Variants in LTBP4 observed in about 807,000 individuals in gnomAD.
LTBP4 encodes the protein latent-transforming growth factor beta-binding protein 4.
LTBP4 carries 93 observed loss-of-function variants against 180.2 expected under a neutral mutation model. The ratio of observed to expected loss-of-function variants is 0.52; its 90% CI spans 0.44 to 0.61. The LOEUF (loss-of-function observed/expected upper bound fraction) is 0.61. Ranked by LOEUF, LTBP4 falls within the 20% of genes least tolerant of loss-of-function variation. The pLI is 0.00. For missense variants in LTBP4, 2,116 were observed against 2,256.5 expected (o/e 0.94, Z 1.26); for synonymous variants, 947 against 934.5 (o/e 1.01, Z -0.24).
At chr19:40,610,373 C>T in intron 11 of LTBP4, 159 bp from the exon 12 acceptor site, 2 of 795,390 alleles carry the variant, frequency 2.5e-6, no homozygotes, top group Non-Finnish European at 3.9e-6. Flanking sequence ...CCACAATTGC[C>T]TCTCTCACTG....
At chr19:40,621,452 T>G (rs1260083598) in intron 22 of LTBP4, among the ~76,000 whole-genome samples, 1 of 152,248 alleles carries the variant, frequency 6.6e-6, no homozygotes, top group Non-Finnish European at 1.5e-5. Context: ...AAGGACATGA[T>G]TTCATTCTTT....
chr19:40,619,435 C>T lies in LTBP4; in HGVS notation c.3159C>T (p.Asn1053=), dbSNP rs1178895144. The T allele has an allele frequency of 2.5e-6, 4 of 1,613,808 alleles. No homozygotes were observed. The highest frequency in any genetic ancestry group is 1.3e-5 in the African/African-American group (1 of 74,910). ...VEGSFLCVCP[N]SPEEFDPMTG... ...GCTCCTTCCTCTGTGTCTGCCCCAA[C>T]AGCCCGGAAGAGTTTGACCCCATGA... The change falls in exon 22 of 30, where the codon AAC becomes AAT. Residue 1053 remains asparagine (N), a synonymous_variant. Transcript: ENST00000396819.
Position 40,625,307 on chromosome 19 carries a change from TATATATATA to T in LTBP4, c.3833-549_3833-541del, listed in dbSNP as rs1568414617. Among the ~76,000 whole-genome samples the T allele has an allele frequency of 6.4e-3, 152 of 23,766 alleles. 31 individuals carry two copies. Among genetic ancestry groups the T allele is most frequent in the Non-Finnish European group, 7.8e-3 (117 of 14,940 alleles). The allele number at this position is 23,766 out of a possible 152,430, so 15.6% of individuals were successfully genotyped here. A position where few individuals can be genotyped will look rare whatever the true frequency, so the allele number is the denominator to read the frequency against. ...ATATATATATATATATATATATATA[TATATATATA>T]TTTTTTTTTTTAAAGATGGGTTTTT... On this transcript the variant is annotated intron_variant, in intron 26 of 29. Coordinates refer to ENST00000396819, the MANE Select transcript of LTBP4 (RefSeq NM_001042545.2).
intron 22 of LTBP4, among the ~76,000 whole-genome samples, chr19:40,620,456 TA>T (rs1368913453): frequency 9.1e-6 from 1 of 110,204 alleles, no homozygotes; most frequent in South Asian, 3.2e-4. Flanking sequence ...CAGGCTGCAG[TA>T]TTTTTTTTTT....
Position 40,613,653 on chromosome 19 carries a change from G to C in LTBP4, c.2557+124G>C. On this transcript the variant is annotated intron_variant, in intron 17 of 29. Transcript: ENST00000396819. This position sits in a 1 kb window ranked among gnomAD's most constrained non-coding sequence, Gnocchi z 5.0. ...AGCCGGGGTATTCCAGCAGGATCAG[G>C]GGGCAGCTGGTGGGAGTCTCGAGGC... 2 of 1,476,080 alleles carry C rather than the reference G, an allele frequency of 1.4e-6. No individual in the cohort carries two copies. Among genetic ancestry groups the C allele is most frequent in the Non-Finnish European group, 9.1e-7 (1 of 1,093,582 alleles). 91.4% of individuals were successfully genotyped at this position (1,476,080 alleles called of 1,614,324 possible).
At chr19:40,596,015 G>A (rs2081388303) in intron 1 of LTBP4, among the ~76,000 whole-genome samples, 2 of 146,042 alleles carry the variant, frequency 1.4e-5, no homozygotes, top group Admixed American at 1.4e-4. Context: ...CCACCTCCTG[G>A]GTTCAAACGA....
chr19:40,601,277 G>C (rs1413516584), upstream of LTBP4: 14 of 853,506 alleles, frequency 1.6e-5, no homozygotes, highest in African/African-American at 1.8e-5. Context: ...GGTGAGGAGG[G>C]GGGGCCTGAG....
In LTBP4 at chr19:40,605,421, G is replaced by A. The variant is rs763679707; in HGVS notation, c.459G>A (p.Val153=). 1 of 1,612,930 alleles carries A rather than the reference G, an allele frequency of 6.2e-7. No homozygotes were observed. Among genetic ancestry groups the A allele is most frequent in the Non-Finnish European group, 8.5e-7 (1 of 1,179,870 alleles). ...CTCCCCTAGGCGTGGCATCTATGGT[G>A]AGCGTCCACGTGGAGCACCCGCAGG... ...RDDEHGVASM[V]SVHVEHPQEA... Residue 153 remains valine (V), a synonymous_variant, in exon 3 of 30, where the codon GTG becomes GTA. Coordinates refer to ENST00000396819, the MANE Select transcript of LTBP4 (RefSeq NM_001042545.2). The surrounding 1 kb of genome is among the most constrained non-coding windows in gnomAD (Gnocchi z 5.5).
At chr19:40,599,824 T>C (rs545852385), upstream of LTBP4, 23 of 568,282 alleles carry the variant, frequency 4.0e-5, 1 homozygote, top group Admixed American at 7.2e-4. Context: ...TGTGTCTCAC[T>C]GCCTGCCTCT....
rs1239013930 is a variant in LTBP4, at chr19:40,601,533, C to A, written c.146C>A (p.Pro49Gln). 8 of 1,492,586 alleles carry A rather than the reference C, an allele frequency of 5.4e-6. No homozygotes were observed. The Admixed American group carries it at 1.5e-4, about 29-fold the overall frequency. 92.5% of individuals were successfully genotyped at this position (1,492,586 alleles called of 1,614,324 possible). A position where few individuals can be genotyped will look rare whatever the true frequency, so the allele number is the denominator to read the frequency against. Residue 49 changes from proline (P) to glutamine (Q), a missense_variant, in exon 1 of 30, where the codon CCG becomes CAG. This residue lies in a region of LTBP4 where 469 missense variants were observed against 532.5 expected (regional missense o/e 0.88). Coordinates refer to ENST00000396819, the MANE Select transcript of LTBP4 (RefSeq NM_001042545.2). ...TGCGGCCTGCGCTGCGTCCATGGGCCGACCGGCTCCCGCTGTACCCCGACC... is the reference window on the plus strand; with the variant it reads ...TGCGGCCTGCGCTGCGTCCATGGGCAGACCGGCTCCCGCTGTACCCCGACC... ...VVCGLRCVHG[P>Q]TGSRCTPTCA...
chr19:40,627,840 C>A lies in LTBP4; in HGVS notation c.4502C>A (p.Thr1501Asn), dbSNP rs1395694283. 2 of 1,568,192 alleles carry A rather than the reference C, an allele frequency of 1.3e-6. No homozygotes were observed. Among genetic ancestry groups the A allele is most frequent in the Non-Finnish European group, 1.7e-6 (2 of 1,163,262 alleles). The change falls in exon 29 of 30, where the codon ACC (threonine) becomes AAC (asparagine). Residue 1501 changes from threonine to asparagine, a missense_variant. Coordinates refer to ENST00000396819, the MANE Select transcript of LTBP4 (RefSeq NM_001042545.2). The stretch of plus-strand genomic sequence containing the variant: ...TTCGACGGCTACCGCCTGGACATGA[C>A]CCGCATGGCCTGCGTTGGTGAGGGC... ...RCFDGYRLDM[T>N]RMACVDINEC...
Position 40,629,789 on chromosome 19 carries a change from A to G in LTBP4, c.*239A>G. 2.9e-6 allele frequency: 1 copy of G among 343,082 alleles called. No homozygotes were observed. Among genetic ancestry groups the G allele is most frequent in the East Asian group, 4.6e-5 (1 of 21,560 alleles). The allele number at this position is 343,082 out of a possible 1,614,324, so 21.3% of individuals were successfully genotyped here. On this transcript the variant is annotated 3_prime_UTR_variant, in exon 30 of 30. Transcript: ENST00000396819. This position sits in a 1 kb window ranked among gnomAD's most constrained non-coding sequence, Gnocchi z 4.5. ...TTTACATGCCCTCTCCCTTTTATAA[A>G]ATTTTCCATTAAAAACCACCTATTT... is the stretch of plus-strand genomic sequence containing the variant.
At chr19:40,610,980 C>A (rs2081501498) in intron 12 of LTBP4, 172 bp from the exon 13 acceptor site, 1 of 946,860 alleles carries the variant, frequency 1.1e-6, no homozygotes, top group East Asian at 2.6e-5. Context: ...AGAGACAGAA[C>A]CAGCCAGGCA....
At chr19:40,602,943 T>G (rs976942877) in intron 1 of LTBP4, among the ~76,000 whole-genome samples, 21 of 152,164 alleles carry the variant, frequency 1.4e-4, no homozygotes, top group African/African-American at 5.1e-4. Context: ...TTTTGATTCC[T>G]AGTTAAGCCT....
chr19:40,605,663 G>A lies in LTBP4; in HGVS notation c.690+11G>A. On this transcript the variant is annotated intron_variant, in intron 3 of 29. Coordinates refer to ENST00000396819, the MANE Select transcript of LTBP4 (RefSeq NM_001042545.2). This position sits in a 1 kb window ranked among gnomAD's most constrained non-coding sequence, Gnocchi z 5.5. ...CTGCGCGGAGGCGAAGTGAGAGGAG[G>A]CCCGTGGGGAGGGGCCCGGAGCTTG... is the stretch of plus-strand genomic sequence containing the variant. The A allele has an allele frequency of 1.9e-6, 3 of 1,557,860 alleles. No individual in the cohort carries two copies. In the South Asian group the frequency reaches 3.5e-5, roughly 18 times the overall value.
In LTBP4 at chr19:40,609,409, G is replaced by A. The variant is rs1165520250; in HGVS notation, c.1427-121G>A. 1 of 1,279,882 alleles carries A rather than the reference G, an allele frequency of 7.8e-7. No individual in the cohort carries two copies. The highest frequency in any genetic ancestry group is 1.1e-6 in the Non-Finnish European group (1 of 913,060). 79.3% of individuals were successfully genotyped at this position (1,279,882 alleles called of 1,614,324 possible). ...TGGAGATCAGAAGAAGACTGGGCTTGCTTGGGGAGGAGACATCCATGAAGG... is the reference window on the plus strand; with the variant it reads ...TGGAGATCAGAAGAAGACTGGGCTTACTTGGGGAGGAGACATCCATGAAGG... On this transcript the variant is annotated intron_variant, in intron 9 of 29. Coordinates refer to ENST00000396819, the MANE Select transcript of LTBP4 (RefSeq NM_001042545.2). The surrounding 1 kb of genome is among the most constrained non-coding windows in gnomAD (Gnocchi z 4.9).
intron 19 of LTBP4, among the ~76,000 whole-genome samples, chr19:40,616,209 G>A (rs2081547386): frequency 6.6e-6 from 1 of 151,710 alleles, no homozygotes; most frequent in African/African-American, 2.4e-5. Flanking sequence ...TGGGAGAACT[G>A]CCTGAACCCG....
At chr19:40,608,902 CAA>C (rs538438732) in intron 9 of LTBP4, 456 of 82,378 alleles carry the variant, frequency 5.5e-3, no homozygotes, top group South Asian at 0.025. Flanking sequence ...CACTCCATCT[CAA>C]AAAAAAAAAA....
upstream of LTBP4, chr19:40,597,148 G>T: frequency 1.7e-6 from 2 of 1,200,558 alleles, no homozygotes; most frequent in Non-Finnish European, 2.1e-6. Context: ...TCGGGCGGGG[G>T]CGGGGGCGGG....
Sources: gnomAD v4.1 joint callset for allele counts (sites outside exome capture counted in the v4.1 genomes callset) on GRCh38, gnomAD v4.1.1 for gene constraint, gnomAD v4.1.1 regional missense constraint, Gnocchi (gnomAD v3.1) non-coding constraint, MANE v1.5 for transcripts, NCBI Gene and HGNC (gene_info 2026-07-23, HGNC 2026-07-21) for gene names.